The following ESF1 variants were observed in gnomAD, a reference collection of about 807,000 sequenced individuals.
The protein encoded by ESF1 is ESF1 nucleolar pre-rRNA processing protein.
Under a neutral mutation model 92.0 loss-of-function variants are expected in ESF1, and 58 were observed. The ratio of observed to expected loss-of-function variants is 0.63; its 90% confidence interval spans 0.51 to 0.78. ESF1 has a LOEUF of 0.78. Ranked by LOEUF, ESF1 falls within the 30% of genes least tolerant of loss-of-function variation. ESF1 has a pLI of 0.00. For synonymous variants in ESF1, 321 were observed against 313.7 expected, an observed-to-expected ratio of 1.02 and a Z score of -0.24; for missense variants, 922 against 989.1, an observed-to-expected ratio of 0.93 and a Z score of 0.91.
At chr20:13,766,193 G>GA (rs1381423007) in intron 8 of ESF1, among the ~76,000 whole-genome samples, 4 of 152,182 alleles carry the variant, frequency 2.6e-5, no homozygotes, top group South Asian at 2.1e-4. Context: ...AAAGGATAAA[G>GA]AAAAAACATC....
chr20:13,747,811 CTTT>C (rs1317202434), intron 9 of ESF1, among the ~76,000 whole-genome samples: 1 of 152,112 alleles, frequency 6.6e-6, no homozygotes, highest in Non-Finnish European at 1.5e-5. Context: ...ATGTTAAGAC[CTTT>C]TTATCATTGT....
At position 13,782,501 on chromosome 20, in the gene ESF1, T is replaced by G. The variant is rs772942167; in HGVS notation, c.637+3A>C. ...CAAGAATCTCTAATTTTTTCCAACCTACCTGATTGCATTTCTCTTCTTGTC... is the reference window on the plus strand; with the variant it reads ...CAAGAATCTCTAATTTTTTCCAACCGACCTGATTGCATTTCTCTTCTTGTC... On this transcript the variant is annotated splice_donor_region_variant and intron_variant, in intron 2 of 13. Coordinates refer to ENST00000617257, the MANE Select transcript of ESF1 (RefSeq NM_001276380.2). 5.3e-6 allele frequency: 8 copies of G among 1,499,794 alleles called. No individual in the cohort carries two copies. Among genetic ancestry groups the G allele is most frequent in the Non-Finnish European group, 7.1e-6 (8 of 1,132,092 alleles). 92.9% of individuals were successfully genotyped at this position (1,499,794 alleles called of 1,614,324 possible).
In ESF1 at chr20:13,741,148, A is replaced by G. The variant is rs117603976; in HGVS notation, c.1829-7306T>C. ...GTTCTCATCCCCAGAAGGTAACAAT[A>G]CATCAATTCTTCTGCCCCATTCCCT... is the stretch of plus-strand genomic sequence containing the variant. On this transcript the variant is annotated intron_variant, in intron 9 of 13. Coordinates refer to ENST00000617257, the MANE Select transcript of ESF1 (RefSeq NM_001276380.2). Among the ~76,000 whole-genome samples, 130 of 152,274 alleles carry G rather than the reference A, an allele frequency of 8.5e-4. 1 individual carries two copies. The East Asian group carries it at 0.02, about 24-fold the overall frequency.
chr20:13,779,098 A>C (rs1308366239), intron 2 of ESF1, among the ~76,000 whole-genome samples: 3 of 152,178 alleles, frequency 2.0e-5, no homozygotes, highest in African/African-American at 7.2e-5. Flanking sequence ...CCCACAATGT[A>C]CACAGCCTTG....
At chr20:13,718,722 T>C (rs1241212005) in intron 12 of ESF1, among the ~76,000 whole-genome samples, 186 bp downstream of exon 12, 1 of 152,222 alleles carries the variant, frequency 6.6e-6, no homozygotes, top group Admixed American at 6.5e-5. Flanking sequence ...GGAGAAATTA[T>C]GTTTGGTAAA....
chr20:13,772,741 T>C (rs571106379), intron 4 of ESF1, 126 bp from the exon 5 acceptor site: 1 of 630,876 alleles, frequency 1.6e-6, no homozygotes, highest in Non-Finnish European at 2.8e-6. Flanking sequence ...GTGACTCACT[T>C]CCAAATCCAC....
intron 9 of ESF1, among the ~76,000 whole-genome samples, chr20:13,748,552 A>AT (rs1425045087): frequency 2.4e-5 from 1 of 42,106 alleles, no homozygotes; most frequent in East Asian, 1.6e-3. Context: ...GTGTGTGTAT[A>AT]TATATATATA....
intron 11 of ESF1, among the ~76,000 whole-genome samples, chr20:13,727,341 T>C (rs1489313987): frequency 6.6e-6 from 1 of 152,208 alleles, no homozygotes; most frequent in African/African-American, 2.4e-5. Flanking sequence ...TAATAGACTT[T>C]ATTTATCTTA....
intron 8 of ESF1, among the ~76,000 whole-genome samples, chr20:13,764,921 A>G (rs540495967): frequency 8.6e-5 from 13 of 151,896 alleles, no homozygotes; most frequent in African/African-American, 3.1e-4. Flanking sequence ...AAACATTAAA[A>G]AAAAAAAAAC....
intron 12 of ESF1, among the ~76,000 whole-genome samples, chr20:13,718,587 G>C (rs999717738): frequency 2.6e-5 from 4 of 152,062 alleles, no homozygotes; most frequent in African/African-American, 9.7e-5. Context: ...ATTATTTTGA[G>C]GTTTTAAGGG....
intron 8 of ESF1, among the ~76,000 whole-genome samples, chr20:13,761,942 G>A (rs919706643): frequency 6.6e-6 from 1 of 152,320 alleles, no homozygotes; most frequent in East Asian, 1.9e-4. Flanking sequence ...GCAGGATAAT[G>A]AAGTCCCTCT....
chr20:13,751,956 C>T lies in ESF1; in HGVS notation c.1828+7736G>A, dbSNP rs144726119. ...GTTGCAGTGAGCCAAGATAGCACCA[C>T]TGCACTCCAGCCCAGGCGACAGAAG... On this transcript the variant is annotated intron_variant, in intron 9 of 13. Transcript: ENST00000617257. Among the ~76,000 whole-genome samples, 575 of 152,162 alleles carry T rather than the reference C, an allele frequency of 3.8e-3. 3 individuals are homozygous for T. The highest frequency in any genetic ancestry group is 0.013 in the African/African-American group (527 of 41,520).
In ESF1 at chr20:13,748,588, A is replaced by AT. The variant is rs1351825674; in HGVS notation, c.1828+11103dup. On this transcript the variant is annotated intron_variant, in intron 9 of 13. Transcript: ENST00000617257. ...TATGTGTGTGTGTATATATATATAT[A>AT]TATATTTTTTTTTTTTTGAGATGGA... 3.4e-3 allele frequency among the ~76,000 whole-genome samples: 209 copies of AT among 61,502 alleles called. 4 individuals are homozygous for AT. The highest frequency in any genetic ancestry group is 0.021 in the East Asian group (13 of 628). 40.3% of individuals were successfully genotyped at this position (61,502 alleles called of 152,430 possible).
chr20:13,761,328 T>C (rs1300737573), intron 8 of ESF1, among the ~76,000 whole-genome samples: 1 of 150,322 alleles, frequency 6.7e-6, no homozygotes, highest in Non-Finnish European at 1.5e-5. Flanking sequence ...ACTATTGTCC[T>C]ATGACCCTGC....
chr20:13,768,288 C>T (rs1296951973), intron 7 of ESF1, among the ~76,000 whole-genome samples: 1 of 152,124 alleles, frequency 6.6e-6, no homozygotes, highest in Admixed American at 6.5e-5. Context: ...AGTGTGGCTA[C>T]TGCAGAGTAC....
chr20:13,773,571 T>C (rs926504193), intron 4 of ESF1, among the ~76,000 whole-genome samples: 1 of 152,268 alleles, frequency 6.6e-6, no homozygotes, highest in African/African-American at 2.4e-5. Flanking sequence ...ACCTGTTCAT[T>C]TGTCCAAATA....
intron 9 of ESF1, among the ~76,000 whole-genome samples, chr20:13,738,689 TG>T (rs2049991852): frequency 6.6e-6 from 1 of 152,162 alleles, no homozygotes; most frequent in Non-Finnish European, 1.5e-5. Flanking sequence ...TATTCATTTG[TG>T]GAATTGTAAA....
intron 11 of ESF1, 50 bp from the exon 12 acceptor site, chr20:13,719,034 C>G: frequency 7.4e-7 from 1 of 1,349,348 alleles, no homozygotes; most frequent in East Asian, 2.5e-5. Context: ...GGACTATCAG[C>G]AACATTCTGT....
chr20:13,720,983 C>T (rs1231062450), intron 11 of ESF1, among the ~76,000 whole-genome samples: 1 of 152,088 alleles, frequency 6.6e-6, no homozygotes, highest in Non-Finnish European at 1.5e-5. Flanking sequence ...ATTAGCCAAG[C>T]GTGGTGGCCA....
Sources: allele counts gnomAD v4.1 joint callset (sites outside exome capture counted in the v4.1 genomes callset), GRCh38; gene constraint gnomAD v4.1.1; transcripts MANE v1.5; gene names NCBI Gene and HGNC (gene_info 2026-07-23, HGNC 2026-07-21).